Variants in ABCB5 observed in about 807,000 individuals in gnomAD.
ABCB5 encodes the protein ATP-binding cassette sub-family B member 5.
In ABCB5, 155 loss-of-function variants were observed where a neutral mutation model predicts 144.2. The observed-to-expected ratio is 1.08, with a 90% CI of 0.94 to 1.23. The LOEUF (loss-of-function observed/expected upper bound fraction) is 1.23, where lower values mean the gene tolerates loss of function less well. Among genes scored for constraint, ABCB5 ranks in the 50% most tolerant of loss-of-function variants. The probability of loss-of-function intolerance (pLI) is 0.00; values close to 1 mark genes in which losing one functional copy is unlikely to be tolerated. For missense variants in ABCB5, 1,830 were observed against 1,520.8 expected (o/e 1.20, Z -3.38); for synonymous variants, 610 against 528.6 (o/e 1.15, Z -2.11).
At chr7:20,674,156 T>A (rs1027053619) in intron 14 of ABCB5, among the ~76,000 whole-genome samples, 3 of 151,982 alleles carry the variant, frequency 2.0e-5, no homozygotes, top group African/African-American at 7.2e-5. Context: ...CATTAGTTTT[T>A]AAAAAAATTT....
intron 24 of ABCB5, among the ~76,000 whole-genome samples, chr7:20,741,004 G>A (rs569643534): frequency 5.7e-4 from 86 of 151,516 alleles, no homozygotes; most frequent in African/African-American, 1.9e-3. Context: ...TCGGGAGGCC[G>A]AGGCAGGAGG....
At chr7:20,704,438 A>C (rs1196992906) in intron 19 of ABCB5, among the ~76,000 whole-genome samples, 1 of 152,162 alleles carries the variant, frequency 6.6e-6, no homozygotes, top group Non-Finnish European at 1.5e-5. Flanking sequence ...ATTACAAATC[A>C]CTTGATGGTT....
intron 14 of ABCB5, chr7:20,667,710 C>T (rs142211978): frequency 0.12 from 2,688 of 22,418 alleles, 18 homozygotes; most frequent in Non-Finnish European, 0.17. Flanking sequence ...TGCCCCTGCC[C>T]CTGCCCCTGC....
At chr7:20,684,373 A>G (rs2128039853) in intron 15 of ABCB5, among the ~76,000 whole-genome samples, 1 of 152,324 alleles carries the variant, frequency 6.6e-6, no homozygotes, top group Admixed American at 6.5e-5. Flanking sequence ...TTATTAAAGC[A>G]CCTTCTCAGA....
chr7:20,659,553 T>G (rs1784930726), intron 14 of ABCB5: 3 of 999,254 alleles, frequency 3.0e-6, no homozygotes, highest in Non-Finnish European at 3.6e-6. Flanking sequence ...TTTGAACGCT[T>G]GTTTCCCTCC....
At chr7:20,709,769 A>G (rs998830682) in intron 20 of ABCB5, among the ~76,000 whole-genome samples, 1 of 149,780 alleles carries the variant, frequency 6.7e-6, no homozygotes, top group African/African-American at 2.5e-5. Context: ...CAATAGGTAA[A>G]CATGACAGTC....
chr7:20,723,000 A>G lies in ABCB5; in HGVS notation c.2422-16A>G, dbSNP rs772724562. ...AGTTAATTGAGTTTTTTCCCCCAAA[A>G]TATGTCTGATTATAGGCAACAGGTT... is the stretch of plus-strand genomic sequence containing the variant. On this transcript the variant is annotated splice_polypyrimidine_tract_variant and intron_variant, in intron 20 of 27. Transcript: ENST00000404938. The G allele has an allele frequency of 6.2e-7, 1 of 1,612,876 alleles. No individual in the cohort carries two copies. The highest frequency in any genetic ancestry group is 2.2e-5 in the East Asian group (1 of 44,862).
intron 14 of ABCB5, among the ~76,000 whole-genome samples, chr7:20,668,701 C>T (rs1471072150): frequency 2.8e-5 from 4 of 143,418 alleles, no homozygotes; most frequent in Admixed American, 1.4e-4. Flanking sequence ...CCCGGCCAGT[C>T]GCCCCGTCCA....
At chr7:20,647,505 A>G in intron 9 of ABCB5, 30 bp from the exon 10 acceptor site, 1 of 1,522,270 alleles carries the variant, frequency 6.6e-7, no homozygotes, top group South Asian at 1.3e-5. Context: ...AACTGCAGAA[A>G]GATAAATATC....
At chr7:20,621,621 AAG>A (rs901718439) in intron 1 of ABCB5, among the ~76,000 whole-genome samples, 50 of 152,250 alleles carry the variant, frequency 3.3e-4, no homozygotes, top group African/African-American at 1.1e-3. Flanking sequence ...TTCATGAGGA[AAG>A]AGAGAAAAAT....
chr7:20,710,383 T>TGG (rs370218679), intron 20 of ABCB5, among the ~76,000 whole-genome samples: 3 of 69,066 alleles, frequency 4.3e-5, no homozygotes, highest in African/African-American at 1.7e-4. Flanking sequence ...AAAAAAAAAG[T>TGG]GGGGGGGGGG....
intron 26 of ABCB5, 30 bp from the exon 27 acceptor site, chr7:20,753,330 T>G: frequency 6.3e-7 from 1 of 1,579,742 alleles, no homozygotes; most frequent in East Asian, 2.3e-5. Context: ...AACCAAGACT[T>G]GCTTTCTTAA....
chr7:20,698,623 A>G (rs1416439629), intron 17 of ABCB5, 73 bp downstream of exon 17: 2 of 1,412,258 alleles, frequency 1.4e-6, no homozygotes, highest in Non-Finnish European at 1.9e-6. Flanking sequence ...AGCTTGTATC[A>G]GTCTAAACCA....
chr7:20,722,751 G>C (rs1193597914), intron 20 of ABCB5, among the ~76,000 whole-genome samples: 1 of 152,068 alleles, frequency 6.6e-6, no homozygotes, highest in South Asian at 2.1e-4. Flanking sequence ...GAACCCAGGA[G>C]TCGGAGGTTG....
intron 20 of ABCB5, among the ~76,000 whole-genome samples, chr7:20,709,858 A>G (rs969317676): frequency 1.3e-5 from 2 of 148,280 alleles, no homozygotes; most frequent in Non-Finnish European, 3.0e-5. Flanking sequence ...AGGTGGGCGG[A>G]TCACCTGAGG....
At chr7:20,715,516 T>C (rs1781643346) in intron 20 of ABCB5, among the ~76,000 whole-genome samples, 1 of 151,988 alleles carries the variant, frequency 6.6e-6, no homozygotes, top group Non-Finnish European at 1.5e-5. Flanking sequence ...GCTGAAGGGA[T>C]GCTCCCACCT....
intron 19 of ABCB5, among the ~76,000 whole-genome samples, chr7:20,700,655 C>G (rs1361406411): frequency 1.3e-5 from 2 of 152,226 alleles, no homozygotes; most frequent in Admixed American, 6.5e-5. Flanking sequence ...CGCAGATGAT[C>G]AGTCCCCGCT....
intron 26 of ABCB5, 74 bp downstream of exon 26, chr7:20,745,512 G>A: frequency 7.7e-7 from 1 of 1,290,632 alleles, no homozygotes; most frequent in Non-Finnish European, 1.1e-6. Flanking sequence ...CTATGCAGTT[G>A]TTTTTATGTA....
intron 15 of ABCB5, among the ~76,000 whole-genome samples, 188 bp downstream of exon 15, chr7:20,681,854 G>C (rs564564661): frequency 6.6e-6 from 1 of 152,252 alleles, no homozygotes; most frequent in Admixed American, 6.5e-5. Flanking sequence ...GATGAAAGTT[G>C]AAGAACTAAT....
Sources: allele counts gnomAD v4.1 joint callset (sites outside exome capture counted in the v4.1 genomes callset), GRCh38; gene constraint gnomAD v4.1.1; transcripts MANE v1.5; gene names NCBI Gene and HGNC (gene_info 2026-07-23, HGNC 2026-07-21).